CDC40: variants seen among roughly 807,000 people sequenced by gnomAD.
CDC40 encodes pre-mRNA-processing factor 17.
In CDC40, 27 loss-of-function variants were observed where a neutral mutation model predicts 80.6. The observed-to-expected ratio is 0.33, with a 90% CI of 0.25 to 0.46. CDC40 has a LOEUF of 0.46. Ranked by LOEUF, CDC40 falls within the 20% of genes least tolerant of loss-of-function variation. The probability of loss-of-function intolerance (pLI) is 1.00; values close to 1 mark genes in which losing one functional copy is unlikely to be tolerated. For synonymous variants in CDC40, 221 were observed against 232.6 expected, an observed-to-expected ratio of 0.95 and a Z score of 0.45; for missense variants, 486 against 694.1, an observed-to-expected ratio of 0.70 and a Z score of 3.37.
At chr6:110,210,169 A>G (rs1777616942) in intron 5 of CDC40, among the ~76,000 whole-genome samples, 1 of 152,010 alleles carries the variant, frequency 6.6e-6, no homozygotes, top group Admixed American at 6.6e-5. Flanking sequence ...ATAAGTTTTG[A>G]AAACTGATTT....
At chr6:110,225,830 A>G (rs1034062959) in intron 12 of CDC40, among the ~76,000 whole-genome samples, 1 of 152,216 alleles carries the variant, frequency 6.6e-6, no homozygotes, top group African/African-American at 2.4e-5. Flanking sequence ...GAATTCTGAG[A>G]TTTTAGTGTA....
At chr6:110,194,647 C>A (rs549436624) in intron 2 of CDC40, among the ~76,000 whole-genome samples, 1 of 152,234 alleles carries the variant, frequency 6.6e-6, no homozygotes, top group South Asian at 2.1e-4. Flanking sequence ...TCCATTGGCA[C>A]CATTTTAGCC....
At chr6:110,201,748 T>C (rs1777496232) in intron 3 of CDC40, 61 bp downstream of exon 3, 2 of 1,427,052 alleles carry the variant, frequency 1.4e-6, no homozygotes, top group Admixed American at 3.6e-5. Context: ...GATCTGTGTG[T>C]GTTAGTCTGT....
rs571695062 is a variant in CDC40 at position 110,204,061 on chromosome 6, G to A, written c.406+2374G>A. ...ACAGTCTCACTCTCTTGCCCAGGCT[G>A]GAGTGCAGTGGCGCGATCTCAGCTC... On this transcript the variant is annotated intron_variant, in intron 3 of 14. Transcript: ENST00000307731. Among the ~76,000 whole-genome samples, 3 of 152,198 alleles carry A rather than the reference G, an allele frequency of 2.0e-5. No homozygotes were observed. In the South Asian group the frequency reaches 6.2e-4, roughly 32 times the overall value.
At chr6:110,205,896 A>G (rs967254841) in intron 3 of CDC40, among the ~76,000 whole-genome samples, 1 of 152,182 alleles carries the variant, frequency 6.6e-6, no homozygotes, top group Non-Finnish European at 1.5e-5. Flanking sequence ...TGGGATTTGA[A>G]CCTGTGATTT....
chr6:110,211,291 C>T (rs894653537), intron 6 of CDC40: 5 of 152,112 alleles, frequency 3.3e-5, no homozygotes, highest in Admixed American at 2.6e-4. Context: ...GAAGGAAATG[C>T]ATATTCACCA....
intron 12 of CDC40, among the ~76,000 whole-genome samples, chr6:110,221,135 A>C (rs1049340259): frequency 6.6e-6 from 1 of 151,964 alleles, no homozygotes; most frequent in Non-Finnish European, 1.5e-5. Flanking sequence ...ATTTAGTTGC[A>C]AAAAAAATGC....
chr6:110,193,033 T>C, intron 1 of CDC40, 149 bp from the exon 2 acceptor site: 2 of 517,098 alleles, frequency 3.9e-6, no homozygotes, highest in East Asian at 3.0e-5. Flanking sequence ...CCTCTAACTG[T>C]ATACATTAAT....
At chr6:110,184,114 G>A (rs147805639) in intron 1 of CDC40, among the ~76,000 whole-genome samples, 72 of 152,256 alleles carry the variant, frequency 4.7e-4, no homozygotes, top group African/African-American at 1.6e-3. Context: ...TCTCTTGAAA[G>A]CTTTTCACAT....
In CDC40 at chr6:110,230,280, A is replaced by C; in HGVS notation, c.*149A>C. 1 of 572,902 alleles carries C rather than the reference A, an allele frequency of 1.7e-6. No homozygotes were observed. The highest frequency in any genetic ancestry group is 3.0e-6 in the Non-Finnish European group (1 of 333,102). The allele number at this position is 572,902 out of a possible 1,614,324, so 35.5% of individuals were successfully genotyped here. A position where few individuals can be genotyped will look rare whatever the true frequency, so the allele number is the denominator to read the frequency against. On this transcript the variant is annotated 3_prime_UTR_variant, in exon 15 of 15. Coordinates refer to ENST00000307731, the MANE Select transcript of CDC40 (RefSeq NM_015891.3). Reference sequence around the variant, plus strand: ...TAAAAAAAGAAACTGTAAATTTGACATAATTTCATTTGCAACTTCATTTTG... The same window carrying C: ...TAAAAAAAGAAACTGTAAATTTGACCTAATTTCATTTGCAACTTCATTTTG...
At chr6:110,215,815 A>G (rs1777692951) in intron 9 of CDC40, among the ~76,000 whole-genome samples, 1 of 152,226 alleles carries the variant, frequency 6.6e-6, no homozygotes. Flanking sequence ...TTAATTACAC[A>G]GTTATTTCAT....
rs2114669493 is a variant in CDC40 at position 110,219,731 on chromosome 6, C to T, written c.1207-5C>T. On this transcript the variant is annotated splice_region_variant and splice_polypyrimidine_tract_variant and intron_variant, in intron 11 of 14. Coordinates refer to ENST00000307731, the MANE Select transcript of CDC40 (RefSeq NM_015891.3). ...TCTTTACCTTTTTTCTTGCCTGATA[C>T]ACAGTGGGACATTCGAAGTGGAGAA... 6.2e-7 allele frequency: 1 copy of T among 1,613,394 alleles called. No homozygotes were observed. Among genetic ancestry groups the T allele is most frequent in the Non-Finnish European group, 8.5e-7 (1 of 1,179,742 alleles).
chr6:110,221,835 A>C (rs143883161), intron 12 of CDC40, among the ~76,000 whole-genome samples: 1 of 150,932 alleles, frequency 6.6e-6, no homozygotes, highest in East Asian at 1.9e-4. Context: ...AAGAATTTTT[A>C]TTAAACTAGC....
intron 13 of CDC40, among the ~76,000 whole-genome samples, chr6:110,227,138 G>A (rs546401671): frequency 1.3e-5 from 2 of 152,312 alleles, no homozygotes; most frequent in African/African-American, 2.4e-5. Flanking sequence ...CAAAAATTAA[G>A]AAGATAAATC....
intron 1 of CDC40, among the ~76,000 whole-genome samples, chr6:110,192,672 T>C (rs1449940226): frequency 1.3e-5 from 2 of 152,224 alleles, no homozygotes; most frequent in African/African-American, 2.4e-5. Flanking sequence ...AGATGTTTAT[T>C]TTCAGTAATC....
At chr6:110,213,923 T>A (rs147671378) in intron 8 of CDC40, among the ~76,000 whole-genome samples, 312 of 152,220 alleles carry the variant, frequency 2.0e-3, no homozygotes, top group Non-Finnish European at 3.1e-3. Flanking sequence ...TTGAAAAAAA[T>A]TTTGAATCTG....
At position 110,180,454 on chromosome 6, in the gene CDC40, GCGATTGC is replaced by G; in HGVS notation, c.11_17del (p.Ala4GlufsTer35). On this transcript the variant is annotated frameshift_variant, in exon 1 of 15. Coordinates refer to ENST00000307731, the MANE Select transcript of CDC40 (RefSeq NM_015891.3). LOFTEE classifies it high-confidence loss of function. ...AAGATTTGTTGCCGTCATGTCGGCT[GCGATTGC>G]AGCTCTGGCCGCTTCCTATGGTTCG... The G allele has an allele frequency of 6.2e-7, 1 of 1,614,144 alleles. No individual in the cohort carries two copies. The highest frequency in any genetic ancestry group is 8.5e-7 in the Non-Finnish European group (1 of 1,180,020).
intron 14 of CDC40, among the ~76,000 whole-genome samples, chr6:110,229,498 C>G (rs1286418766): frequency 2.0e-5 from 3 of 152,154 alleles, no homozygotes; most frequent in Non-Finnish European, 4.4e-5. Context: ...ATCCCAGTAA[C>G]TTTGTTTGTT....
intron 1 of CDC40, among the ~76,000 whole-genome samples, chr6:110,184,852 T>G (rs1368913501): frequency 6.6e-6 from 1 of 152,106 alleles, no homozygotes; most frequent in African/African-American, 2.4e-5. Context: ...CTCAAAATAT[T>G]TCAGCAAAAA....
Sources: gnomAD v4.1 joint callset for allele counts (sites outside exome capture counted in the v4.1 genomes callset) on GRCh38, gnomAD v4.1.1 for gene constraint, MANE v1.5 for transcripts, NCBI Gene and HGNC (gene_info 2026-07-23, HGNC 2026-07-21) for gene names.